Variants in SLC9A7 observed in about 807,000 individuals in gnomAD.
SLC9A7 encodes solute carrier family 9 member A7, also known as sodium/hydrogen exchanger 7.
A neutral mutation model predicts 52.6 loss-of-function variants in SLC9A7; 19 were observed. The ratio of observed to expected loss-of-function variants is 0.36; its 90% CI spans 0.25 to 0.53. SLC9A7 has a LOEUF of 0.53. Among genes scored for constraint, SLC9A7 ranks in the 20% least tolerant of loss-of-function variants. The pLI is 0.91. For synonymous variants in SLC9A7, 226 were observed against 252.1 expected (o/e 0.90, Z 0.98); for missense variants, 455 against 597.9 (o/e 0.76, Z 2.49).
At chrX:46,717,711 A>G (rs1483357189) in intron 1 of SLC9A7, among the ~76,000 whole-genome samples, 1 of 111,400 alleles carries the variant, frequency 9.0e-6, no homozygotes, top group Non-Finnish European at 1.9e-5. Context: ...AACATACTTT[A>G]AATATTTATC....
chrX:46,677,084 T>C (rs765075241), intron 3 of SLC9A7, among the ~76,000 whole-genome samples: 15 of 111,963 alleles, frequency 1.3e-4, no homozygotes, highest in Non-Finnish European at 2.4e-4. Flanking sequence ...ACAGAACTTA[T>C]GTTCCATTCC....
intron 4 of SLC9A7, among the ~76,000 whole-genome samples, chrX:46,671,031 A>C (rs1349706961): frequency 8.9e-6 from 1 of 111,964 alleles, no homozygotes; most frequent in East Asian, 2.8e-4. Flanking sequence ...TATCTCTTAA[A>C]GGATAAGTCA....
intron 4 of SLC9A7, among the ~76,000 whole-genome samples, chrX:46,670,619 A>G (rs1944003916): frequency 9.0e-6 from 1 of 111,505 alleles, no homozygotes; most frequent in Non-Finnish European, 1.9e-5. Flanking sequence ...TGCTCTAATA[A>G]TGAGATTCTT....
At chrX:46,608,505 C>A (rs1037148145) in intron 16 of SLC9A7, among the ~76,000 whole-genome samples, 30 of 112,280 alleles carry the variant, frequency 2.7e-4, no homozygotes, top group Admixed American at 2.3e-3. Flanking sequence ...GGTGCAAATG[C>A]CCAATGAGAT....
intron 5 of SLC9A7, among the ~76,000 whole-genome samples, chrX:46,668,585 T>C (rs1264421465): frequency 1.8e-5 from 2 of 111,820 alleles, no homozygotes; most frequent in Non-Finnish European, 3.8e-5. Context: ...GTTAGGAAAT[T>C]ATGAGAAATG....
intron 3 of SLC9A7, among the ~76,000 whole-genome samples, chrX:46,675,037 G>A (rs1321131423): frequency 9.4e-6 from 1 of 106,747 alleles, no homozygotes; most frequent in Non-Finnish European, 1.9e-5. Context: ...GAGGGAGAGA[G>A]AGAGAGAAAG....
intron 7 of SLC9A7, among the ~76,000 whole-genome samples, chrX:46,657,449 C>T: frequency 9.1e-6 from 1 of 110,463 alleles, no homozygotes; most frequent in South Asian, 3.9e-4. Flanking sequence ...AGAGTCAAGA[C>T]CCATCAGTGT....
chrX:46,649,202 A>G (rs775506420), intron 10 of SLC9A7, among the ~76,000 whole-genome samples: 1 of 111,844 alleles, frequency 8.9e-6, no homozygotes, highest in African/African-American at 3.3e-5. Context: ...GGCTCTACTA[A>G]AAGAAAAGGC....
At chrX:46,641,359 G>A (rs1383792608) in intron 12 of SLC9A7, among the ~76,000 whole-genome samples, 4 of 111,507 alleles carry the variant, frequency 3.6e-5, no homozygotes, top group African/African-American at 1.3e-4. Flanking sequence ...TCCCGTATAT[G>A]TTTGAGGGGT....
At chrX:46,667,126 C>T (rs755856665) in intron 5 of SLC9A7, among the ~76,000 whole-genome samples, 3 of 111,844 alleles carry the variant, frequency 2.7e-5, no homozygotes, top group East Asian at 2.8e-4. Flanking sequence ...GTGCCTTACA[C>T]GTGTTGTTTC....
chrX:46,636,708 A>T (rs965573011), intron 12 of SLC9A7, among the ~76,000 whole-genome samples: 1 of 111,346 alleles, frequency 9.0e-6, no homozygotes, highest in Non-Finnish European at 1.9e-5. Flanking sequence ...ACAGACAGAG[A>T]TGCATAGCAG....
rs750464059 is a variant in SLC9A7, at chrX:46,607,232, A to C, written c.1930-29T>G. On this transcript the variant is annotated intron_variant, in intron 16 of 16. Transcript: ENST00000616978. ...AAAAGTGCAACCAACAACAACAACAAAAATGAGAGACTGATATCTTCCAGG... is the reference window on the plus strand; with the variant it reads ...AAAAGTGCAACCAACAACAACAACACAAATGAGAGACTGATATCTTCCAGG... 1.4e-5 allele frequency: 17 copies of C among 1,195,472 alleles called. No homozygotes were observed. The Admixed American group carries it at 3.8e-4, about 27-fold the overall frequency.
At chrX:46,611,773 T>C (rs1219275510) in intron 16 of SLC9A7, among the ~76,000 whole-genome samples, 2 of 112,100 alleles carry the variant, frequency 1.8e-5, no homozygotes, top group Non-Finnish European at 3.8e-5. Context: ...GACTTGGCAG[T>C]TGTCATCCCT....
rs57570264 is a variant in SLC9A7 at position 46,711,899 on chromosome X, TACACAC to T, written c.326-29370_326-29365del. ...CCCTTTAACGGCACAGCCTCTAAAT[TACACAC>T]ACACACACACACACACACACACACA... On this transcript the variant is annotated intron_variant, in intron 1 of 16. Transcript: ENST00000616978. Among the ~76,000 whole-genome samples the T allele has an allele frequency of 3.0e-3, 274 of 91,173 alleles. 2 individuals carry two copies. Among genetic ancestry groups the T allele is most frequent in the Middle Eastern group, 0.01 (2 of 192 alleles). 79.2% of individuals were successfully genotyped at this position (91,173 alleles called of 115,157 possible).
At chrX:46,711,197 A>G (rs1429654632) in intron 1 of SLC9A7, among the ~76,000 whole-genome samples, 1 of 113,068 alleles carries the variant, frequency 8.8e-6, no homozygotes. Context: ...GGTCTATTTC[A>G]TAGCTCACTC....
chrX:46,615,632 G>T (rs969761948), intron 15 of SLC9A7, among the ~76,000 whole-genome samples: 1 of 107,479 alleles, frequency 9.3e-6, no homozygotes, highest in Non-Finnish European at 1.9e-5. Context: ...TTCAAAAAAA[G>T]AAAAGAAATA....
At chrX:46,648,592 C>T (rs1407439613) in intron 11 of SLC9A7, 94 bp downstream of exon 11, 2 of 658,743 alleles carry the variant, frequency 3.0e-6, no homozygotes, top group Non-Finnish European at 4.7e-6. Context: ...AACTTGAATG[C>T]TTGTCTTTTT....
At chrX:46,745,134 C>T (rs939291765) in intron 1 of SLC9A7, among the ~76,000 whole-genome samples, 1 of 111,590 alleles carries the variant, frequency 9.0e-6, no homozygotes, top group South Asian at 3.7e-4. Context: ...TTTAAAATGG[C>T]AGGAAGGCTG....
intron 1 of SLC9A7, among the ~76,000 whole-genome samples, chrX:46,697,118 T>C (rs956747536): frequency 1.8e-5 from 2 of 111,763 alleles, no homozygotes; most frequent in African/African-American, 3.3e-5. Flanking sequence ...CTGAAGCAAT[T>C]TGGGATAAGA....
Sources: allele counts gnomAD v4.1 joint callset (sites outside exome capture counted in the v4.1 genomes callset), GRCh38; gene constraint gnomAD v4.1.1; transcripts MANE v1.5; gene names NCBI Gene and HGNC (gene_info 2026-07-23, HGNC 2026-07-21).